COL21A1: variants seen among roughly 807,000 people sequenced by gnomAD.
COL21A1 encodes collagen type XXI alpha 1 chain.
COL21A1 carries 149 observed loss-of-function variants against 137.9 expected under a neutral mutation model. That is an observed-to-expected ratio of 1.08 (90% CI 0.95 to 1.24). COL21A1 has a LOEUF of 1.24. COL21A1 is among the 50% of genes most tolerant of loss of function. The pLI, the probability that COL21A1 is intolerant of heterozygous loss-of-function variation, is 0.00. For missense variants in COL21A1, 1,167 were observed against 1,158.4 expected, an observed-to-expected ratio of 1.01 and a Z score of -0.11; for synonymous variants, 456 against 391.5, an observed-to-expected ratio of 1.16 and a Z score of -1.95.
At chr6:56,059,932 A>T in intron 28 of COL21A1, 86 bp downstream of exon 28, 1 of 902,312 alleles carries the variant, frequency 1.1e-6, no homozygotes, top group Non-Finnish European at 1.7e-6. Context: ...GAAAAAAGTT[A>T]ACTCGACTAT....
rs182961906 is a variant in COL21A1, at chr6:56,269,383, C to T, written c.-38-86727G>A. Among the ~76,000 whole-genome samples, 366 of 152,086 alleles carry T rather than the reference C, an allele frequency of 2.4e-3. No homozygotes were observed. The Middle Eastern group carries it at 0.027, about 11-fold the overall frequency. ...AAAGAAGTGACAGGTCGGCCGGGCGCGGTGGCTCACGCCTGTAATCCCAGC... is the reference window on the plus strand; with the variant it reads ...AAAGAAGTGACAGGTCGGCCGGGCGTGGTGGCTCACGCCTGTAATCCCAGC... On this transcript the variant is annotated intron_variant, in intron 1 of 28. Transcript: ENST00000370819.
intron 17 of COL21A1, chr6:56,078,204 G>GA (rs1215592658): frequency 2.2e-6 from 1 of 455,554 alleles, no homozygotes; most frequent in African/African-American, 2.0e-5. Context: ...GCAACATTCA[G>GA]AAAAAATTAA....
chr6:56,214,522 G>A (rs1015807574), intron 1 of COL21A1, among the ~76,000 whole-genome samples: 1 of 152,006 alleles, frequency 6.6e-6, no homozygotes, highest in African/African-American at 2.4e-5. Context: ...TCCAATGTTG[G>A]AGAAAGAACA....
At chr6:56,274,329 C>T (rs1263684232) in intron 1 of COL21A1, among the ~76,000 whole-genome samples, 4 of 152,120 alleles carry the variant, frequency 2.6e-5, no homozygotes, top group Non-Finnish European at 5.9e-5. Flanking sequence ...CCTACTCTCA[C>T]CACTCCTATT....
chr6:56,059,970 A>T (rs1304289721), intron 28 of COL21A1, 48 bp downstream of exon 28: 9 of 1,465,924 alleles, frequency 6.1e-6, no homozygotes, highest in Non-Finnish European at 8.4e-6. Context: ...TGAATTTTTA[A>T]AAAAAGACTT....
intron 1 of COL21A1, among the ~76,000 whole-genome samples, chr6:56,185,426 C>CTTTTTTTT (rs777045553): frequency 0.011 from 1,127 of 100,046 alleles, 39 homozygotes; most frequent in East Asian, 0.023. Context: ...AATGAACAGT[C>CTTTTTTTT]TTTTTTTTTT....
At chr6:56,301,150 A>G (rs1235716591) in intron 1 of COL21A1, among the ~76,000 whole-genome samples, 1 of 152,176 alleles carries the variant, frequency 6.6e-6, no homozygotes, top group Non-Finnish European at 1.5e-5. Context: ...ACCTGCGAAT[A>G]TGTTGCCTTA....
At chr6:56,141,727 T>C in intron 12 of COL21A1, 58 bp downstream of exon 12, 1 of 1,549,760 alleles carries the variant, frequency 6.5e-7, no homozygotes, top group Non-Finnish European at 8.9e-7. Flanking sequence ...CCATCACAGC[T>C]AACATCCTTT....
intron 1 of COL21A1, among the ~76,000 whole-genome samples, chr6:56,205,449 G>T (rs557795392): frequency 4.6e-4 from 70 of 152,240 alleles, no homozygotes; most frequent in African/African-American, 1.6e-3. Context: ...AGAGTGAAAA[G>T]AGATGAATAA....
In COL21A1 at chr6:56,272,380, G is replaced by C. The variant is rs1466064676; in HGVS notation, c.-38-89724C>G. ...TTTGGAGTGGAAACATTTACCCAAT[G>C]CCTGCACCCCCATTGTATCTTGGGA... On this transcript the variant is annotated intron_variant, in intron 1 of 28. Transcript: ENST00000370819. Among the ~76,000 whole-genome samples, 3 of 151,060 alleles carry C rather than the reference G, an allele frequency of 2.0e-5. No homozygotes were observed. In the East Asian group the frequency reaches 5.8e-4, roughly 29 times the overall value.
At chr6:56,167,921 C>T (rs2152270380) in intron 6 of COL21A1, among the ~76,000 whole-genome samples, 1 of 152,132 alleles carries the variant, frequency 6.6e-6, no homozygotes, top group East Asian at 1.9e-4. Flanking sequence ...TCTAAATATT[C>T]TTATGAAATA....
At chr6:56,307,600 G>A (rs532875699) in intron 1 of COL21A1, among the ~76,000 whole-genome samples, 101 of 152,330 alleles carry the variant, frequency 6.6e-4, no homozygotes, top group Non-Finnish European at 3.5e-4. Flanking sequence ...GGAGTGACCC[G>A]ATTTTCCAGG....
At chr6:56,114,567 A>C (rs1287076623) in intron 16 of COL21A1, among the ~76,000 whole-genome samples, 1 of 152,124 alleles carries the variant, frequency 6.6e-6, no homozygotes. Flanking sequence ...AAAACACATG[A>C]AAAAATGCTC....
chr6:56,251,359 T>C (rs1362754809), upstream of COL21A1, among the ~76,000 whole-genome samples: 1 of 152,216 alleles, frequency 6.6e-6, no homozygotes, highest in African/African-American at 2.4e-5. Context: ...AGAGCAGGTG[T>C]CATATCTACA....
At chr6:56,382,666 C>T (rs111556168) in intron 1 of COL21A1, among the ~76,000 whole-genome samples, 24 of 152,228 alleles carry the variant, frequency 1.6e-4, no homozygotes, top group African/African-American at 5.5e-4. Context: ...CCTCTAGGCT[C>T]AGGAACCAAG....
intron 16 of COL21A1, among the ~76,000 whole-genome samples, chr6:56,104,858 A>C (rs896707614): frequency 2.6e-4 from 39 of 152,080 alleles, no homozygotes; most frequent in African/African-American, 5.3e-4. Context: ...TATTTACCCC[A>C]AAAAAATAAA....
At chr6:56,194,292 A>G (rs992106356) in intron 1 of COL21A1, among the ~76,000 whole-genome samples, 1 of 152,346 alleles carries the variant, frequency 6.6e-6, no homozygotes, top group Non-Finnish European at 1.5e-5. Flanking sequence ...AATTCATATT[A>G]TTACCATGTT....
intron 1 of COL21A1, among the ~76,000 whole-genome samples, chr6:56,226,364 A>G (rs1314602437): frequency 6.6e-6 from 1 of 152,068 alleles, no homozygotes; most frequent in Non-Finnish European, 1.5e-5. Context: ...ACATCTACTA[A>G]TGATTCTACT....
At chr6:56,168,735 CT>C (rs1287294318) in intron 5 of COL21A1, among the ~76,000 whole-genome samples, 5 of 151,958 alleles carry the variant, frequency 3.3e-5, no homozygotes, top group Admixed American at 1.3e-4. Context: ...CTCATTCTCT[CT>C]CTCTGTCTCT....
Sources: gnomAD v4.1 joint callset for allele counts (sites outside exome capture counted in the v4.1 genomes callset) on GRCh38, gnomAD v4.1.1 for gene constraint, MANE v1.5 for transcripts, NCBI Gene and HGNC (gene_info 2026-07-23, HGNC 2026-07-21) for gene names.